Variants in CLINT1 observed in about 807,000 individuals in gnomAD.
The protein encoded by CLINT1 is clathrin interactor 1, also known as clathrin interacting protein localized in the trans-Golgi region.
Under a neutral mutation model 70.4 loss-of-function variants are expected in CLINT1, and 15 were observed. The observed-to-expected ratio is 0.21, with a 90% confidence interval of 0.14 to 0.33. CLINT1 has a LOEUF of 0.33. Ranked by LOEUF, CLINT1 falls within the 10% of genes least tolerant of loss-of-function variation. The pLI is 1.00. For synonymous variants in CLINT1, 227 were observed against 254.7 expected (o/e 0.89, Z 1.04); for missense variants, 615 against 778.1 (o/e 0.79, Z 2.49).
intron 8 of CLINT1, among the ~76,000 whole-genome samples, chr5:157,800,881 C>A (rs1022343737): frequency 1.3e-5 from 2 of 152,130 alleles, no homozygotes; most frequent in African/African-American, 4.8e-5. Flanking sequence ...AAAGTTACAT[C>A]CACCCATCTG....
In CLINT1 at chr5:157,803,645, C is replaced by T; in HGVS notation, c.1012+5G>A. 6.6e-7 allele frequency: 1 copy of T among 1,504,104 alleles called. No homozygotes were observed. The highest frequency in any genetic ancestry group is 2.4e-5 in the East Asian group (1 of 42,398). The allele number at this position is 1,504,104 out of a possible 1,614,324, so 93.2% of individuals were successfully genotyped here. On this transcript the variant is annotated splice_donor_5th_base_variant and intron_variant, in intron 8 of 11. Coordinates refer to ENST00000411809, the MANE Select transcript of CLINT1 (RefSeq NM_014666.4). Reference sequence around the variant, plus strand: ...CCAAAAGAAAAGGCCAATGTAGAAGCTTACCTGTTGACTGGCTGGTGCCAT... The same window carrying T: ...CCAAAAGAAAAGGCCAATGTAGAAGTTTACCTGTTGACTGGCTGGTGCCAT...
At chr5:157,858,880 T>TCCCCCCCCCCCCCCCCCCCCCCCCCCCCC (rs751050371) in intron 1 of CLINT1, 50 bp downstream of exon 1, 1 of 216,822 alleles carries the variant, frequency 4.6e-6, no homozygotes, top group South Asian at 3.2e-5. Context: ...CTTCTCCCCC[T>TCCCCCCCCCCCCCCCCCCCCCCCCCCCCC]CCCCCCTCCC....
chr5:157,853,358 A>G (rs1024818613), intron 1 of CLINT1, among the ~76,000 whole-genome samples: 4 of 152,122 alleles, frequency 2.6e-5, no homozygotes, highest in East Asian at 1.9e-4. Context: ...AGAAAGAAAA[A>G]AAAAAAAGTC....
At chr5:157,839,434 C>G (rs1763539881) in intron 1 of CLINT1, among the ~76,000 whole-genome samples, 1 of 151,936 alleles carries the variant, frequency 6.6e-6, no homozygotes, top group African/African-American at 2.4e-5. Flanking sequence ...AACCGCATCT[C>G]TACTAAAAAT....
Position 157,787,943 on chromosome 5 carries a change from G to A in CLINT1, c.1581C>T (p.Asn527=), listed in dbSNP as rs1309620551. The change falls in exon 12 of 12, where the codon AAC becomes AAT. Residue 527 remains asparagine (N), a synonymous_variant. Coordinates refer to ENST00000411809, the MANE Select transcript of CLINT1 (RefSeq NM_014666.4). The part of the protein sequence containing the change: ...NVMTQSFGAV[N]LSSPSNMLPV... ...GAAGCATGTTCGATGGAGAACTGAG[G>A]TTCACAGCTCCAAAACTTTGAGTCA... 4 of 1,612,636 alleles carry A rather than the reference G, an allele frequency of 2.5e-6. No homozygotes were observed. In the Admixed American group the frequency reaches 5.0e-5, roughly 20 times the overall value.
rs369568235 is a variant in CLINT1 at position 157,858,961 on chromosome 5, T to A, written c.10A>T (p.Met4Leu). The change falls in exon 1 of 12, where the codon ATG (methionine) becomes TTG (leucine). Residue 4 changes from methionine to leucine, a missense_variant. This residue lies in a region of CLINT1 where 241 missense variants were observed against 368.6 expected (regional missense o/e 0.65). Transcript: ENST00000411809. ...TCCACCAGCTCGCGCACCTTCCACATGTTCAACATCGTGCCCCGCGCGGGA... is the reference window on the plus strand; with the variant it reads ...TCCACCAGCTCGCGCACCTTCCACAAGTTCAACATCGTGCCCCGCGCGGGA... MLN[M>L]WKVRELVDKA... is the part of the protein sequence containing the mutation. 1.4e-5 allele frequency: 21 copies of A among 1,520,580 alleles called. No individual in the cohort carries two copies. In the African/African-American group the frequency reaches 2.4e-4, roughly 18 times the overall value. 94.2% of individuals were successfully genotyped at this position (1,520,580 alleles called of 1,614,324 possible).
At chr5:157,829,531 CT>C (rs146717978) in intron 1 of CLINT1, among the ~76,000 whole-genome samples, 1 of 151,336 alleles carries the variant, frequency 6.6e-6, no homozygotes, top group African/African-American at 2.4e-5. Flanking sequence ...AGATAATGCA[CT>C]TTTTTTTGAG....
At chr5:157,792,439 T>C (rs1208206727) in intron 9 of CLINT1, among the ~76,000 whole-genome samples, 5 of 152,100 alleles carry the variant, frequency 3.3e-5, no homozygotes, top group Admixed American at 3.3e-4. Context: ...TCCCAGCTAC[T>C]TGGGAGGCTC....
chr5:157,850,077 G>C (rs1437197211), intron 1 of CLINT1, among the ~76,000 whole-genome samples: 1 of 152,148 alleles, frequency 6.6e-6, no homozygotes, highest in Non-Finnish European at 1.5e-5. Flanking sequence ...GAAAGTGAGG[G>C]ACAGTGGTGG....
At chr5:157,813,657 C>T (rs3822726) in intron 4 of CLINT1, among the ~76,000 whole-genome samples, 138 of 152,204 alleles carry the variant, frequency 9.1e-4, no homozygotes, top group Middle Eastern at 3.4e-3. Flanking sequence ...CCCCAGTACA[C>T]GTCTGGAACA....
In CLINT1 at chr5:157,787,690, G is replaced by A; in HGVS notation, c.1834C>T (p.Pro612Ser). The A allele has an allele frequency of 6.2e-7, 1 of 1,613,980 alleles. No homozygotes were observed. The highest frequency in any genetic ancestry group is 2.2e-5 in the East Asian group (1 of 44,884). ...AAATTTGCAAAGGCATCTTGCTTGGGTTGCACAGTTCCAGAAGTCATGGCT... is the reference window on the plus strand; with the variant it reads ...AAATTTGCAAAGGCATCTTGCTTGGATTGCACAGTTCCAGAAGTCATGGCT... The part of the protein sequence containing the change: ...NIAMTSGTVQ[P>S]KQDAFANFAN... Residue 612 changes from proline to serine, a missense_variant, in exon 12 of 12, where the codon CCC becomes TCC. Physicochemically the swap from Pro to Ser is moderately conservative, Grantham distance 74. Coordinates refer to ENST00000411809, the MANE Select transcript of CLINT1 (RefSeq NM_014666.4).
chr5:157,820,771 G>GA (rs1306375304), intron 1 of CLINT1, among the ~76,000 whole-genome samples: 5 of 152,076 alleles, frequency 3.3e-5, no homozygotes, highest in East Asian at 1.9e-4. Flanking sequence ...GATTTGAAAG[G>GA]AAAAAAATGG....
chr5:157,792,108 C>T, intron 9 of CLINT1, 113 bp from the exon 10 acceptor site: 1 of 795,358 alleles, frequency 1.3e-6, no homozygotes, highest in Non-Finnish European at 2.0e-6. Flanking sequence ...AGATTAACAT[C>T]TGCAGGTACC....
chr5:157,842,717 T>C (rs1753228060), intron 1 of CLINT1, among the ~76,000 whole-genome samples: 1 of 152,222 alleles, frequency 6.6e-6, no homozygotes, highest in Admixed American at 6.5e-5. Context: ...TCAAATCCAA[T>C]TTTCAATAAA....
intron 5 of CLINT1, 145 bp from the exon 6 acceptor site, chr5:157,809,950 A>G: frequency 1.4e-6 from 1 of 729,558 alleles, no homozygotes; most frequent in Non-Finnish European, 2.2e-6. Context: ...AATCAACACA[A>G]TTACAGCAAG....
chr5:157,830,018 G>C (rs1763172676), intron 1 of CLINT1, among the ~76,000 whole-genome samples: 1 of 147,720 alleles, frequency 6.8e-6, no homozygotes, highest in South Asian at 2.2e-4. Flanking sequence ...GTGCGATGAT[G>C]CCTGACTACA....
intron 1 of CLINT1, among the ~76,000 whole-genome samples, chr5:157,829,689 A>ATTTTTTTTT (rs3075709): frequency 0.014 from 1,516 of 109,016 alleles, no homozygotes; most frequent in Non-Finnish European, 0.017. Context: ...ACACCCAGCT[A>ATTTTTTTTT]TTTTTTTTTT....
chr5:157,847,963 C>T (rs1184291013), intron 1 of CLINT1, among the ~76,000 whole-genome samples: 1 of 152,158 alleles, frequency 6.6e-6, no homozygotes, highest in Non-Finnish European at 1.5e-5. Context: ...CTTGCCACCA[C>T]ACCTGACTAA....
intron 1 of CLINT1, among the ~76,000 whole-genome samples, chr5:157,820,974 C>G (rs1762864703): frequency 6.6e-6 from 1 of 152,196 alleles, no homozygotes; most frequent in South Asian, 2.1e-4. Flanking sequence ...TAAACTAACA[C>G]TACAGTCAAA....
Sources: gnomAD v4.1 joint callset for allele counts (sites outside exome capture counted in the v4.1 genomes callset) on GRCh38, gnomAD v4.1.1 for gene constraint, gnomAD v4.1.1 regional missense constraint, MANE v1.5 for transcripts, NCBI Gene and HGNC (gene_info 2026-07-23, HGNC 2026-07-21) for gene names.